The following MCTP1 variants were observed in gnomAD, a reference collection of about 807,000 sequenced individuals.
MCTP1 encodes the protein multiple C2 and transmembrane domain containing 1, also known as multiple C2 and transmembrane domain-containing protein 1.
In MCTP1, 69 loss-of-function variants were observed where a neutral mutation model predicts 120.6. The observed-to-expected ratio is 0.57, with a 90% CI of 0.47 to 0.70. The LOEUF is 0.70. MCTP1 is among the 30% of genes least tolerant of loss of function. The pLI, the probability that MCTP1 is intolerant of heterozygous loss-of-function variation, is 0.00. For missense variants in MCTP1, 1,203 were observed against 1,248.8 expected, an observed-to-expected ratio of 0.96 and a Z score of 0.55; for synonymous variants, 529 against 493.1, an observed-to-expected ratio of 1.07 and a Z score of -0.96.
intron 17 of MCTP1, among the ~76,000 whole-genome samples, chr5:94,858,764 CATCTGCACCATTAAAAGCCCACACA>C (rs1364569277): frequency 3.3e-5 from 5 of 151,664 alleles, no homozygotes; most frequent in African/African-American, 1.2e-4. Flanking sequence ...TCCATGACTT[CATCTGCACCATTAAAAGCCCACACA>C]ATCTCCACCT....
At chr5:95,072,740 ATTTTT>A (rs11421165) in intron 1 of MCTP1, among the ~76,000 whole-genome samples, 1 of 95,280 alleles carries the variant, frequency 1.0e-5, no homozygotes, top group Non-Finnish European at 1.9e-5. Context: ...CTTAGCAACT[ATTTTT>A]TTTTTTTTTT....
At chr5:94,999,778 T>G (rs1041359483) in intron 2 of MCTP1, among the ~76,000 whole-genome samples, 1 of 152,188 alleles carries the variant, frequency 6.6e-6, no homozygotes, top group Non-Finnish European at 1.5e-5. Flanking sequence ...GTACCTGGTC[T>G]ATGGCTTAAG....
intron 1 of MCTP1, among the ~76,000 whole-genome samples, chr5:95,222,395 A>G (rs1753790532): frequency 1.3e-5 from 2 of 152,294 alleles, no homozygotes; most frequent in South Asian, 4.1e-4. Flanking sequence ...GAGGACAATT[A>G]GCAGTCTCTG....
At chr5:94,847,454 G>A (rs990851663) in intron 17 of MCTP1, among the ~76,000 whole-genome samples, 1 of 151,758 alleles carries the variant, frequency 6.6e-6, no homozygotes, top group African/African-American at 2.4e-5. Flanking sequence ...AAAAATAAAA[G>A]GTCAAATTTC....
intron 1 of MCTP1, among the ~76,000 whole-genome samples, chr5:95,062,611 A>G (rs1010515244): frequency 4.6e-5 from 7 of 152,294 alleles, no homozygotes; most frequent in Admixed American, 1.3e-4. Flanking sequence ...AAAGGAACTG[A>G]ACAGTCCCCA....
chr5:94,941,607 T>G (rs1370377738), intron 4 of MCTP1, among the ~76,000 whole-genome samples: 2 of 151,956 alleles, frequency 1.3e-5, no homozygotes, highest in Non-Finnish European at 2.9e-5. Flanking sequence ...AGGAATTCCT[T>G]CTCCTTAAAA....
intron 1 of MCTP1, among the ~76,000 whole-genome samples, chr5:95,280,635 T>C (rs1760239033): frequency 6.6e-6 from 1 of 152,056 alleles, no homozygotes; most frequent in African/African-American, 2.4e-5. Context: ...CCAGAATCAG[T>C]GGGAAGAAAG....
At chr5:94,994,011 G>A (rs905902824) in intron 2 of MCTP1, among the ~76,000 whole-genome samples, 6 of 152,090 alleles carry the variant, frequency 3.9e-5, no homozygotes, top group African/African-American at 7.2e-5. Context: ...TCAACCTTTC[G>A]ATTAAGGAAC....
At chr5:95,094,848 AT>A (rs1036149035) in intron 1 of MCTP1, among the ~76,000 whole-genome samples, 1 of 151,584 alleles carries the variant, frequency 6.6e-6, no homozygotes, top group Non-Finnish European at 1.5e-5. Context: ...AATATACCAG[AT>A]TTTTTTTCTG....
chr5:95,210,732 T>C (rs552803884), intron 1 of MCTP1, among the ~76,000 whole-genome samples: 1 of 152,128 alleles, frequency 6.6e-6, no homozygotes, highest in African/African-American at 2.4e-5. Flanking sequence ...GTTAGCTGGT[T>C]ATTTTGCTCG....
intron 1 of MCTP1, among the ~76,000 whole-genome samples, chr5:95,227,408 G>A (rs1044050492): frequency 6.6e-6 from 1 of 152,150 alleles, no homozygotes; most frequent in Admixed American, 6.5e-5. Context: ...AGCCCTAATA[G>A]AATCAATCAT....
chr5:94,899,745 G>A (rs933341651), intron 10 of MCTP1, among the ~76,000 whole-genome samples: 4 of 152,164 alleles, frequency 2.6e-5, no homozygotes, highest in African/African-American at 9.7e-5. Flanking sequence ...GTGGCCATAT[G>A]GATGCACCTG....
At chr5:94,822,631 C>T (rs1354333699) in intron 17 of MCTP1, among the ~76,000 whole-genome samples, 1 of 152,176 alleles carries the variant, frequency 6.6e-6, no homozygotes, top group Non-Finnish European at 1.5e-5. Context: ...TGAGGAATCA[C>T]CACACTGTCT....
chr5:94,762,755 C>T (rs1771642243), intron 19 of MCTP1, among the ~76,000 whole-genome samples: 1 of 152,192 alleles, frequency 6.6e-6, no homozygotes, highest in African/African-American at 2.4e-5. Context: ...AGACAAGCTA[C>T]TAATTCCTAG....
intron 1 of MCTP1, among the ~76,000 whole-genome samples, chr5:95,279,788 G>A (rs1037604201): frequency 2.0e-5 from 3 of 152,072 alleles, no homozygotes; most frequent in African/African-American, 7.2e-5. Context: ...CTGATGATCC[G>A]AGCACTTTTC....
At position 95,029,082 on chromosome 5, in the gene MCTP1, G is replaced by A. The variant is rs531284913; in HGVS notation, c.721-11598C>T. 3.3e-5 allele frequency among the ~76,000 whole-genome samples: 5 copies of A among 151,852 alleles called. No individual in the cohort carries two copies. The South Asian group carries it at 8.3e-4, about 25-fold the overall frequency. On this transcript the variant is annotated intron_variant, in intron 1 of 22. Transcript: ENST00000515393. ...ACTGAGGCAGGAGAATTTTGATCCCGGAGGCCGAGGTTGTAGGGAGCAGAG... is the reference window on the plus strand; with the variant it reads ...ACTGAGGCAGGAGAATTTTGATCCCAGAGGCCGAGGTTGTAGGGAGCAGAG...
rs151010977 is a variant in MCTP1 at position 95,050,672 on chromosome 5, C to T, written c.721-33188G>A. Among the ~76,000 whole-genome samples the T allele has an allele frequency of 5.1e-3, 776 of 152,300 alleles. 3 individuals carry two copies. The highest frequency in any genetic ancestry group is 0.018 in the African/African-American group (734 of 41,568). On this transcript the variant is annotated intron_variant, in intron 1 of 22. Coordinates refer to ENST00000515393, the MANE Select transcript of MCTP1 (RefSeq NM_024717.7). The stretch of plus-strand genomic sequence containing the variant: ...TTCCCATAAAGTTGCCAAATTCATG[C>T]CTGCTAATATTTGACCTTCTGGCCT...
intron 19 of MCTP1, among the ~76,000 whole-genome samples, chr5:94,746,373 C>T (rs1350175688): frequency 1.3e-5 from 2 of 152,182 alleles, no homozygotes; most frequent in Admixed American, 1.3e-4. Context: ...ATGTTTGACT[C>T]ATTTTCTCCT....
At chr5:95,135,189 A>T (rs1759357073) in intron 1 of MCTP1, among the ~76,000 whole-genome samples, 2 of 152,270 alleles carry the variant, frequency 1.3e-5, no homozygotes, top group South Asian at 4.1e-4. Context: ...ATGGAGACAG[A>T]TTCTATAACT....
Sources: allele counts gnomAD v4.1 joint callset (sites outside exome capture counted in the v4.1 genomes callset), GRCh38; gene constraint gnomAD v4.1.1; transcripts MANE v1.5; gene names NCBI Gene and HGNC (gene_info 2026-07-23, HGNC 2026-07-21).